DOCK2: variants seen among roughly 807,000 people sequenced by gnomAD.
DOCK2 encodes dedicator of cytokinesis 2, also known as dedicator of cytokinesis protein 2.
A neutral mutation model predicts 248.9 loss-of-function variants in DOCK2; 87 were observed. The observed-to-expected ratio is 0.35, with a 90% confidence interval of 0.29 to 0.42. The LOEUF (loss-of-function observed/expected upper bound fraction) is 0.42, where lower values mean the gene tolerates loss of function less well. DOCK2 is among the 10% of genes least tolerant of loss of function. The pLI is 1.00. For synonymous variants in DOCK2, 805 were observed against 821.6 expected, an observed-to-expected ratio of 0.98 and a Z score of 0.35; for missense variants, 1,747 against 2,300.2, an observed-to-expected ratio of 0.76 and a Z score of 4.92.
At chr5:169,810,227 G>A (rs929751948) in intron 26 of DOCK2, among the ~76,000 whole-genome samples, 4 of 152,156 alleles carry the variant, frequency 2.6e-5, no homozygotes, top group Admixed American at 6.5e-5. Context: ...TTTCTTGTGC[G>A]CTGAGTGCTA....
intron 20 of DOCK2, 84 bp from the exon 21 acceptor site, chr5:169,717,300 A>T: frequency 1.8e-6 from 2 of 1,112,660 alleles, no homozygotes; most frequent in South Asian, 1.3e-5. Context: ...AAAGGATTTT[A>T]ATGGGGGTTG....
At chr5:169,744,620 G>A (rs1258002533) in intron 22 of DOCK2, among the ~76,000 whole-genome samples, 1 of 146,724 alleles carries the variant, frequency 6.8e-6, no homozygotes, top group Admixed American at 6.8e-5. Context: ...AAAAAAAAAA[G>A]TTAAATAATG....
At chr5:169,725,116 C>G (rs1762404834) in intron 22 of DOCK2, among the ~76,000 whole-genome samples, 2 of 152,220 alleles carry the variant, frequency 1.3e-5, no homozygotes, top group South Asian at 4.1e-4. Context: ...ATTCCTGTTT[C>G]TTCTGCGTGT....
At chr5:169,738,701 G>A (rs919826969) in intron 22 of DOCK2, among the ~76,000 whole-genome samples, 1 of 152,200 alleles carries the variant, frequency 6.6e-6, no homozygotes, top group African/African-American at 2.4e-5. Context: ...ATTGCTGAAC[G>A]TAAGGAAGAA....
chr5:169,798,033 A>G (rs1368604006), intron 25 of DOCK2, among the ~76,000 whole-genome samples: 1 of 152,210 alleles, frequency 6.6e-6, no homozygotes, highest in Non-Finnish European at 1.5e-5. Flanking sequence ...TCTCCACACC[A>G]TGAGCCTCCA....
intron 27 of DOCK2, among the ~76,000 whole-genome samples, chr5:169,970,153 C>T (rs972453894): frequency 6.6e-6 from 1 of 152,160 alleles, no homozygotes. Flanking sequence ...AGTGATCAAT[C>T]GTTTGGTTTT....
chr5:169,821,662 A>T (rs894231537), intron 26 of DOCK2, among the ~76,000 whole-genome samples: 13 of 152,364 alleles, frequency 8.5e-5, no homozygotes, highest in Non-Finnish European at 1.6e-4. Context: ...GCCACTGCAA[A>T]AACATGTCAA....
At chr5:169,813,293 A>G (rs1767868561) in intron 26 of DOCK2, among the ~76,000 whole-genome samples, 1 of 152,214 alleles carries the variant, frequency 6.6e-6, no homozygotes, top group East Asian at 1.9e-4. Context: ...AAACTTCCCG[A>G]TGAGCTGGCT....
intron 27 of DOCK2, among the ~76,000 whole-genome samples, chr5:169,956,525 T>TAA (rs1776874639): frequency 6.6e-6 from 1 of 152,210 alleles, no homozygotes; most frequent in Non-Finnish European, 1.5e-5. Context: ...AGACATGAGC[T>TAA]TGTAAGTGAA....
intron 28 of DOCK2, 144 bp downstream of exon 28, chr5:169,983,310 G>A (rs1777987449): frequency 1.1e-6 from 1 of 880,840 alleles, no homozygotes; most frequent in Admixed American, 2.3e-5. Flanking sequence ...CAGACATTTT[G>A]GGGTTTAAGA....
chr5:169,982,515 T>C (rs1438923277), intron 27 of DOCK2, among the ~76,000 whole-genome samples: 1 of 152,212 alleles, frequency 6.6e-6, no homozygotes, highest in East Asian at 1.9e-4. Context: ...TTAATCTCGC[T>C]TTCCCAACTA....
At chr5:169,891,782 AGACCAGCTTG>A (rs1170965370) in intron 27 of DOCK2, among the ~76,000 whole-genome samples, 1 of 152,138 alleles carries the variant, frequency 6.6e-6, no homozygotes, top group Admixed American at 6.6e-5. Context: ...CAGGAGTTCA[AGACCAGCTTG>A]GACCAGCTTG....
At chr5:169,940,586 A>T (rs1038220070) in intron 27 of DOCK2, among the ~76,000 whole-genome samples, 10 of 152,314 alleles carry the variant, frequency 6.6e-5, no homozygotes, top group African/African-American at 2.4e-4. Flanking sequence ...GTCCCCTCTG[A>T]GGGTGATGGG....
chr5:169,845,852 G>C (rs545924026), intron 27 of DOCK2, among the ~76,000 whole-genome samples: 1 of 152,314 alleles, frequency 6.6e-6, no homozygotes, highest in Admixed American at 6.5e-5. Flanking sequence ...ACCTGAAATA[G>C]AAGGAAGCAA....
At chr5:169,889,303 T>A (rs1773153300) in intron 27 of DOCK2, among the ~76,000 whole-genome samples, 1 of 152,210 alleles carries the variant, frequency 6.6e-6, no homozygotes, top group African/African-American at 2.4e-5. Context: ...TGTTTTCTAG[T>A]CTACTATGCT....
chr5:169,754,023 CATAACTGTGT>C (rs1211918941), intron 23 of DOCK2, among the ~76,000 whole-genome samples: 1 of 152,110 alleles, frequency 6.6e-6, no homozygotes, highest in African/African-American at 2.4e-5. Context: ...AGCATTCTTG[CATAACTGTGT>C]ATCATTTCAA....
intron 39 of DOCK2, among the ~76,000 whole-genome samples, chr5:170,046,149 G>T (rs1756700758): frequency 6.6e-6 from 1 of 152,230 alleles, no homozygotes; most frequent in African/African-American, 2.4e-5. Flanking sequence ...TTGAGTACCT[G>T]CGAGGGGCTG....
intron 27 of DOCK2, among the ~76,000 whole-genome samples, chr5:169,897,990 A>T (rs769445175): frequency 8.5e-5 from 13 of 152,240 alleles, no homozygotes; most frequent in Non-Finnish European, 1.2e-4. Flanking sequence ...ATCACTTTTT[A>T]AAATGATTCT....
intron 29 of DOCK2, among the ~76,000 whole-genome samples, chr5:169,993,601 G>A (rs1305136064): frequency 6.7e-6 from 1 of 148,398 alleles, no homozygotes; most frequent in Non-Finnish European, 1.5e-5. Flanking sequence ...TCCAGTGCCA[G>A]GATACACTGT....
Sources: gnomAD v4.1 joint callset for allele counts (sites outside exome capture counted in the v4.1 genomes callset) on GRCh38, gnomAD v4.1.1 for gene constraint, MANE v1.5 for transcripts, NCBI Gene and HGNC (gene_info 2026-07-23, HGNC 2026-07-21) for gene names.